The following SPSB4 variants were observed in gnomAD, a reference collection of about 807,000 sequenced individuals.
SPSB4 encodes SPRY domain-containing SOCS box protein 4.
Under a neutral mutation model 20.9 loss-of-function variants are expected in SPSB4, and 21 were observed. The observed-to-expected ratio is 1.01, with a 90% confidence interval of 0.71 to 1.45. The LOEUF (loss-of-function observed/expected upper bound fraction) is 1.45, where lower values mean the gene tolerates loss of function less well. SPSB4 is among the 40% of genes most tolerant of loss of function. The probability of loss-of-function intolerance (pLI) is 0.00; values close to 1 mark genes in which losing one functional copy is unlikely to be tolerated. For missense variants in SPSB4, 399 were observed against 399.2 expected (o/e 1.00, Z 0.00); for synonymous variants, 207 against 183.8 (o/e 1.13, Z -1.02).
intron 2 of SPSB4, among the ~76,000 whole-genome samples, chr3:141,146,823 A>G (rs1310924129): frequency 6.6e-6 from 1 of 151,838 alleles, no homozygotes; most frequent in Non-Finnish European, 1.5e-5. Flanking sequence ...GACCAGAGAC[A>G]AGGCTTTCAT....
At chr3:141,090,933 A>T (rs543089367) in intron 2 of SPSB4, among the ~76,000 whole-genome samples, 38 of 152,286 alleles carry the variant, frequency 2.5e-4, no homozygotes, top group Middle Eastern at 3.4e-3. Context: ...TGGATGCTGG[A>T]TTTATTTTGA....
At chr3:141,084,545 C>T (rs937712982) in intron 2 of SPSB4, among the ~76,000 whole-genome samples, 6 of 152,246 alleles carry the variant, frequency 3.9e-5, no homozygotes, top group Admixed American at 6.5e-5. Context: ...ATCACAAACA[C>T]TTGGTGATCC....
chr3:141,054,702 A>G (rs1264710283), intron 1 of SPSB4, among the ~76,000 whole-genome samples: 1 of 152,272 alleles, frequency 6.6e-6, no homozygotes, highest in Non-Finnish European at 1.5e-5. Context: ...GTGGTGGTTC[A>G]TGCCCGTAAT....
Position 141,066,199 on chromosome 3 carries a change from G to A in SPSB4, c.95G>A (p.Gly32Glu), listed in dbSNP as rs995443706. 1.3e-6 allele frequency: 2 copies of A among 1,531,120 alleles called. No individual in the cohort carries two copies. Among genetic ancestry groups the A allele is most frequent in the African/African-American group, 2.8e-5 (2 of 70,776 alleles). The allele number at this position is 1,531,120 out of a possible 1,614,324, so 94.8% of individuals were successfully genotyped here. ...AKRELRGAEP[G>E]RPARLDQLLD... ...CGGGAGCTGCGGGGTGCAGAGCCCGGGCGGCCGGCGCGGCTGGACCAGCTG... is the reference window on the plus strand; with the variant it reads ...CGGGAGCTGCGGGGTGCAGAGCCCGAGCGGCCGGCGCGGCTGGACCAGCTG... Residue 32 changes from glycine (G) to glutamate (E), a missense_variant, in exon 2 of 3, where the codon GGG (glycine) becomes GAG (glutamate). By Grantham distance (98) the Gly-to-Glu change is moderately conservative. Transcript: ENST00000310546.
intron 1 of SPSB4, among the ~76,000 whole-genome samples, chr3:141,061,344 G>A (rs1937756920): frequency 6.6e-6 from 1 of 152,106 alleles, no homozygotes. Flanking sequence ...TCTGGTTAAT[G>A]AGATAGGAGA....
In SPSB4 at chr3:141,065,550, G is replaced by A. The variant is rs76168051; in HGVS notation, c.-153-402G>A. ...CAAGTCACAACTGCTCTGGGCTCAC[G>A]CCTTATTTCTAAAATCAGACTCCCT... On this transcript the variant is annotated intron_variant, in intron 1 of 2. Coordinates refer to ENST00000310546, the MANE Select transcript of SPSB4 (RefSeq NM_080862.3). 3.9e-3 allele frequency among the ~76,000 whole-genome samples: 587 copies of A among 152,264 alleles called. 7 individuals are homozygous for A. The highest frequency in any genetic ancestry group is 0.013 in the African/African-American group (560 of 41,542).
chr3:141,131,322 A>G (rs1321949088), intron 2 of SPSB4, among the ~76,000 whole-genome samples: 4 of 152,128 alleles, frequency 2.6e-5, no homozygotes. Context: ...CGTCTCACCA[A>G]GTACTTCTGT....
intron 2 of SPSB4, among the ~76,000 whole-genome samples, chr3:141,107,693 A>G (rs1038352675): frequency 6.6e-6 from 1 of 152,244 alleles, no homozygotes; most frequent in African/African-American, 2.4e-5. Context: ...ACAGTGGCTC[A>G]GGCCTGTAAT....
At chr3:141,083,291 C>T (rs568929687) in intron 2 of SPSB4, among the ~76,000 whole-genome samples, 17 of 152,266 alleles carry the variant, frequency 1.1e-4, no homozygotes, top group African/African-American at 4.1e-4. Context: ...GTTTGGAGGG[C>T]CCATGGGGAC....
intron 1 of SPSB4, among the ~76,000 whole-genome samples, chr3:141,056,884 G>T (rs1937655689): frequency 6.6e-6 from 1 of 152,234 alleles, no homozygotes; most frequent in African/African-American, 2.4e-5. Context: ...TCTTTCAAAT[G>T]ACCTTGCAGA....
At chr3:141,111,054 A>G (rs1000602328) in intron 2 of SPSB4, among the ~76,000 whole-genome samples, 1 of 152,194 alleles carries the variant, frequency 6.6e-6, no homozygotes, top group African/African-American at 2.4e-5. Flanking sequence ...TTCACCAGCT[A>G]TGTTATCCTA....
intron 1 of SPSB4, among the ~76,000 whole-genome samples, 177 bp downstream of exon 1, chr3:141,052,169 G>T (rs1272296606): frequency 6.6e-6 from 1 of 152,194 alleles, no homozygotes; most frequent in African/African-American, 2.4e-5. Context: ...GCGCAGCCCT[G>T]GGGCGTTTGG....
chr3:141,109,222 G>A (rs566965602), intron 2 of SPSB4, among the ~76,000 whole-genome samples: 28 of 152,242 alleles, frequency 1.8e-4, no homozygotes, highest in Non-Finnish European at 3.2e-4. Flanking sequence ...ACAAACAGCA[G>A]CAGTCCACTC....
chr3:141,071,365 G>A (rs539458825), intron 2 of SPSB4, among the ~76,000 whole-genome samples: 2 of 152,168 alleles, frequency 1.3e-5, no homozygotes, highest in Admixed American at 1.3e-4. Context: ...TAAGAGGGGA[G>A]TATCAGACAG....
In SPSB4 at chr3:141,060,855, T is replaced by C. The variant is rs79022505; in HGVS notation, c.-153-5097T>C. 3.2e-3 allele frequency among the ~76,000 whole-genome samples: 485 copies of C among 152,366 alleles called. 6 individuals are homozygous for C. Among genetic ancestry groups the C allele is most frequent in the East Asian group, 0.022 (114 of 5,194 alleles). On this transcript the variant is annotated intron_variant, in intron 1 of 2. Coordinates refer to ENST00000310546, the MANE Select transcript of SPSB4 (RefSeq NM_080862.3). ...GCATTTCAATGGAGTTCTAACTCAT[T>C]TCTTTTTCAGTATACATTGAGTATC...
chr3:141,055,796 G>A (rs1489925857), intron 1 of SPSB4, among the ~76,000 whole-genome samples: 1 of 152,200 alleles, frequency 6.6e-6, no homozygotes, highest in African/African-American at 2.4e-5. Flanking sequence ...ATGTCCCGCA[G>A]GGCTGAGAGT....
At position 141,148,596 on chromosome 3, in the gene SPSB4, G is replaced by C. The variant is rs1178566776; in HGVS notation, c.*1327G>C. On this transcript the variant is annotated 3_prime_UTR_variant, in exon 3 of 3. Coordinates refer to ENST00000310546, the MANE Select transcript of SPSB4 (RefSeq NM_080862.3). This position sits in a 1 kb window ranked among gnomAD's most constrained non-coding sequence, Gnocchi z 4.5. ...ATGAAGAGCGTTTCTAATAAAGTTTGTCATTCAGTCCTTCAGCTGCGTATT... is the reference window on the plus strand; with the variant it reads ...ATGAAGAGCGTTTCTAATAAAGTTTCTCATTCAGTCCTTCAGCTGCGTATT... 2.6e-5 allele frequency: 4 copies of C among 152,642 alleles called. No homozygotes were observed. Among genetic ancestry groups the C allele is most frequent in the Non-Finnish European group, 5.9e-5 (4 of 68,046 alleles). The allele number at this position is 152,642 out of a possible 1,614,324, so 9.5% of individuals were successfully genotyped here.
At chr3:141,059,080 G>T (rs1937711921) in intron 1 of SPSB4, among the ~76,000 whole-genome samples, 1 of 152,154 alleles carries the variant, frequency 6.6e-6, no homozygotes, top group Admixed American at 6.5e-5. Context: ...GCCATCAGAG[G>T]AATGCCCTCA....
At position 141,051,636 on chromosome 3, in the gene SPSB4, C is replaced by G. The variant is rs1160214741; in HGVS notation, c.-510C>G. On this transcript the variant is annotated 5_prime_UTR_variant, in exon 1 of 3. Transcript: ENST00000310546. ...CGGCCCGTGCGCCCTGAGCGCGGGA[C>G]TCGTCGCCCTCCGGGTCAGGCGCCA... is the stretch of plus-strand genomic sequence containing the variant. The G allele has an allele frequency of 2.0e-5, 3 of 151,832 alleles. No homozygotes were observed. The highest frequency in any genetic ancestry group is 2.0e-4 in the Admixed American group (3 of 15,268). The allele number at this position is 151,832 out of a possible 1,614,324, so 9.4% of individuals were successfully genotyped here. A position where few individuals can be genotyped will look rare whatever the true frequency, so the allele number is the denominator to read the frequency against.
Sources: allele counts gnomAD v4.1 joint callset (sites outside exome capture counted in the v4.1 genomes callset), GRCh38; gene constraint gnomAD v4.1.1; non-coding constraint Gnocchi (gnomAD v3.1); transcripts MANE v1.5; gene names NCBI Gene and HGNC (gene_info 2026-07-23, HGNC 2026-07-21).